Variants in ZNF879 observed in about 807,000 individuals in gnomAD.
ZNF879 encodes the protein zinc finger protein 879.
Under a neutral mutation model 44.3 loss-of-function variants are expected in ZNF879, and 32 were observed. That is an observed-to-expected ratio of 0.72 (90% CI 0.54 to 0.97). The LOEUF (loss-of-function observed/expected upper bound fraction) is 0.97. Ranked by LOEUF, ZNF879 falls within the 50% of genes least tolerant of loss-of-function variation. The pLI is 0.00. For synonymous variants in ZNF879, 234 were observed against 233.2 expected (o/e 1.00, Z -0.03); for missense variants, 621 against 669.7 (o/e 0.93, Z 0.80).
At chr5:179,025,224 T>C (rs1490541745) in intron 2 of ZNF879, among the ~76,000 whole-genome samples, 187 bp downstream of exon 2, 6 of 151,868 alleles carry the variant, frequency 4.0e-5, no homozygotes, top group Non-Finnish European at 5.9e-5. Flanking sequence ...TTTTTTTTTT[T>C]CTTTCCCTTT....
At chr5:179,030,619 T>G (rs1283567340) in intron 4 of ZNF879, among the ~76,000 whole-genome samples, 1 of 152,230 alleles carries the variant, frequency 6.6e-6, no homozygotes, top group African/African-American at 2.4e-5. Flanking sequence ...CAGAAAATTC[T>G]GGTGAGCTAT....
chr5:179,029,000 C>CA (rs1761350018), intron 4 of ZNF879, among the ~76,000 whole-genome samples: 2 of 151,624 alleles, frequency 1.3e-5, no homozygotes, highest in South Asian at 4.2e-4. Context: ...TAACGGTTTT[C>CA]AAAAAAGGTT....
In ZNF879 at chr5:179,032,344, C is replaced by A. The variant is rs1761440027; in HGVS notation, c.396C>A (p.Gly132=). ...AAGATAAGTTAGAGAAGCAACAAGG[C>A]AAAAAGAACAGACTTTTCAGTAAAG... ...INEDKLEKQQ[G]KKNRLFSKVL... The change falls in exon 5 of 5, where the codon GGC becomes GGA. Residue 132 remains glycine, a synonymous_variant. Transcript: ENST00000444149. 6.4e-7 allele frequency: 1 copy of A among 1,550,862 alleles called. No individual in the cohort carries two copies. The highest frequency in any genetic ancestry group is 1.4e-5 in the African/African-American group (1 of 72,970).
At chr5:179,029,641 A>G (rs1331470777) in intron 4 of ZNF879, among the ~76,000 whole-genome samples, 2 of 152,216 alleles carry the variant, frequency 1.3e-5, no homozygotes, top group Admixed American at 6.5e-5. Context: ...CAAATTCTAC[A>G]TGCTGTTGTA....
chr5:179,027,173 C>T (rs539159881), intron 2 of ZNF879, among the ~76,000 whole-genome samples: 3 of 152,166 alleles, frequency 2.0e-5, no homozygotes, highest in Non-Finnish European at 4.4e-5. Flanking sequence ...CAGGTGTGAC[C>T]TGTAAGATGA....
rs1426968862 is a variant in ZNF879, at chr5:179,033,688, G to T, written c.*48G>T. ...AGGAACTGAAGTTATATTCCATACT[G>T]AGTATCAAAAAATTCATTGTGGGGA... On this transcript the variant is annotated 3_prime_UTR_variant, in exon 5 of 5. Coordinates refer to ENST00000444149, the MANE Select transcript of ZNF879 (RefSeq NM_001136116.3). 1 of 1,345,712 alleles carries T rather than the reference G, an allele frequency of 7.4e-7. No homozygotes were observed. Among genetic ancestry groups the T allele is most frequent in the Non-Finnish European group, 9.9e-7 (1 of 1,008,142 alleles). 83.4% of individuals were successfully genotyped at this position (1,345,712 alleles called of 1,614,324 possible).
Position 179,023,883 on chromosome 5 carries a change from C to A in ZNF879, c.-57C>A, listed in dbSNP as rs1032926633. 4 of 152,396 alleles carry A rather than the reference C, an allele frequency of 2.6e-5. No individual in the cohort carries two copies. Among genetic ancestry groups the A allele is most frequent in the African/African-American group, 9.6e-5 (4 of 41,458 alleles). 9.4% of individuals were successfully genotyped at this position (152,396 alleles called of 1,614,324 possible). ...CTCTTGTGCGGTGTGGAGCTGCGCG[C>A]CCCCCGCCGAGGCGGGCCCAGGTAC... On this transcript the variant is annotated 5_prime_UTR_variant, in exon 1 of 5. Coordinates refer to ENST00000444149, the MANE Select transcript of ZNF879 (RefSeq NM_001136116.3).
intron 4 of ZNF879, among the ~76,000 whole-genome samples, chr5:179,031,548 C>T (rs148494964): frequency 6.1e-4 from 93 of 152,340 alleles, no homozygotes; most frequent in African/African-American, 2.1e-3. Context: ...ACTCTTATTA[C>T]ACAGTGCTTC....
chr5:179,028,172 T>G, intron 4 of ZNF879, 45 bp downstream of exon 4: 1 of 1,523,280 alleles, frequency 6.6e-7, no homozygotes, highest in Non-Finnish European at 8.9e-7. Context: ...ATTTTCCCAC[T>G]GCCAGGGCAC....
At chr5:179,025,237 T>A (rs1761231563) in intron 2 of ZNF879, among the ~76,000 whole-genome samples, 200 bp downstream of exon 2, 1 of 152,028 alleles carries the variant, frequency 6.6e-6, no homozygotes, top group Admixed American at 6.5e-5. Context: ...TTCCCTTTTT[T>A]GAGACAGGGT....
chr5:179,027,723 C>A (rs917854648), intron 3 of ZNF879, 124 bp downstream of exon 3: 3 of 1,327,002 alleles, frequency 2.3e-6, no homozygotes, highest in Middle Eastern at 2.5e-4. Context: ...CATTGCCATT[C>A]CCCTTGGTTG....
At chr5:179,024,347 A>G (rs1473186598) in intron 1 of ZNF879, 1 of 152,156 alleles carries the variant, frequency 6.6e-6, no homozygotes, top group Non-Finnish European at 1.5e-5. Context: ...TGATTTAACT[A>G]TTTCTTTTTT....
At chr5:179,028,004 C>T (rs1351290392) in intron 3 of ZNF879, 28 bp from the exon 4 acceptor site, 1 of 1,546,556 alleles carries the variant, frequency 6.5e-7, no homozygotes, top group Non-Finnish European at 8.8e-7. Flanking sequence ...ACGATGGCCG[C>T]TCACGTTTCT....
At position 179,027,587 on chromosome 5, in the gene ZNF879, C is replaced by CAG. The variant is rs1761305843; in HGVS notation, c.148_149insAG (p.Leu50GlnfsTer18). Reference sequence around the variant, plus strand: ...GGTGATGCTGGAGAACTACAGCATCCTGGTCTCACTGGGTAAGGAACTTTC... The same window carrying CAG: ...GGTGATGCTGGAGAACTACAGCATCCAGTGGTCTCACTGGGTAAGGAACTTTC... On this transcript the variant is annotated frameshift_variant, in exon 3 of 5. Transcript: ENST00000444149. LOFTEE classifies it high-confidence loss of function. 1 of 1,613,900 alleles carries CAG rather than the reference C, an allele frequency of 6.2e-7. No individual in the cohort carries two copies. Among genetic ancestry groups the CAG allele is most frequent in the Non-Finnish European group, 8.5e-7 (1 of 1,179,978 alleles).
chr5:179,031,177 T>G (rs750716842), intron 4 of ZNF879, among the ~76,000 whole-genome samples: 12 of 152,078 alleles, frequency 7.9e-5, no homozygotes, highest in Non-Finnish European at 1.0e-4. Context: ...GTTTTTCATA[T>G]AGCAACCAGA....
rs906838380 is a variant in ZNF879 at position 179,032,305 on chromosome 5, G to A, written c.357G>A (p.Lys119=). 1 of 1,550,346 alleles carries A rather than the reference G, an allele frequency of 6.5e-7. No homozygotes were observed. Among genetic ancestry groups the A allele is most frequent in the African/African-American group, 1.4e-5 (1 of 72,948 alleles). The change falls in exon 5 of 5, where the codon AAG becomes AAA. Residue 119 remains lysine, a synonymous_variant. Coordinates refer to ENST00000444149, the MANE Select transcript of ZNF879 (RefSeq NM_001136116.3). The stretch of plus-strand genomic sequence containing the variant: ...GCACATTTGACTTCAAGTTGGAGAA[G>A]ACCTACATAAATGAAGATAAGTTAG... ...IDGTFDFKLE[K]TYINEDKLEK...
intron 4 of ZNF879, among the ~76,000 whole-genome samples, chr5:179,031,060 C>T (rs527543887): frequency 1.3e-5 from 2 of 152,318 alleles, no homozygotes; most frequent in East Asian, 3.9e-4. Context: ...CTTATCACCA[C>T]ATGCCAGTGT....
At position 179,027,988 on chromosome 5, in the gene ZNF879, C is replaced by T; in HGVS notation, c.161-44C>T. On this transcript the variant is annotated intron_variant, in intron 3 of 4. Coordinates refer to ENST00000444149, the MANE Select transcript of ZNF879 (RefSeq NM_001136116.3). ...CCTGGGCACTCTGGGGCTGGACCCGCCTGCTACGATGGCCGCTCACGTTTC... is the reference window on the plus strand; with the variant it reads ...CCTGGGCACTCTGGGGCTGGACCCGTCTGCTACGATGGCCGCTCACGTTTC... 3.9e-6 allele frequency: 6 copies of T among 1,529,896 alleles called. No homozygotes were observed. In the East Asian group the frequency reaches 1.2e-4, roughly 31 times the overall value. 94.8% of individuals were successfully genotyped at this position (1,529,896 alleles called of 1,614,324 possible).
intron 2 of ZNF879, among the ~76,000 whole-genome samples, chr5:179,027,051 G>A (rs986938846): frequency 1.3e-5 from 2 of 152,178 alleles, no homozygotes; most frequent in Non-Finnish European, 2.9e-5. Context: ...GAGATGGCCC[G>A]AGTTGAGGCA....
Sources: gnomAD v4.1 joint callset for allele counts (sites outside exome capture counted in the v4.1 genomes callset) on GRCh38, gnomAD v4.1.1 for gene constraint, MANE v1.5 for transcripts, NCBI Gene and HGNC (gene_info 2026-07-23, HGNC 2026-07-21) for gene names.